Variants in PLD5 observed in about 807,000 individuals in gnomAD.
The protein encoded by PLD5 is inactive phospholipase D5.
PLD5 carries 36 observed loss-of-function variants against 61.1 expected under a neutral mutation model. The ratio of observed to expected loss-of-function variants is 0.59; its 90% CI spans 0.45 to 0.78. PLD5 has a LOEUF of 0.78. PLD5 is among the 30% of genes least tolerant of loss of function. The pLI is 0.00. For synonymous variants in PLD5, 243 were observed against 242.8 expected (o/e 1.00, Z -0.01); for missense variants, 515 against 644.4 (o/e 0.80, Z 2.17).
chr1:242,261,642 TG>T (rs1673377348), intron 4 of PLD5, among the ~76,000 whole-genome samples: 1 of 152,106 alleles, frequency 6.6e-6, no homozygotes, highest in Non-Finnish European at 1.5e-5. Context: ...TCAATAGGAA[TG>T]GGCCAATTAA....
intron 3 of PLD5, among the ~76,000 whole-genome samples, chr1:242,277,171 T>C (rs1320270651): frequency 1.3e-5 from 2 of 152,096 alleles, no homozygotes; most frequent in African/African-American, 4.8e-5. Context: ...GAGCACAGCA[T>C]CCACAGCCTG....
intron 1 of PLD5, among the ~76,000 whole-genome samples, chr1:242,393,023 G>A (rs1663025567): frequency 6.6e-6 from 1 of 150,810 alleles, no homozygotes; most frequent in South Asian, 2.1e-4. Context: ...GGCCAACATG[G>A]TGAAACCCCG....
At chr1:242,498,138 T>C (rs1426932988) in intron 1 of PLD5, among the ~76,000 whole-genome samples, 1 of 152,118 alleles carries the variant, frequency 6.6e-6, no homozygotes, top group African/African-American at 2.4e-5. Flanking sequence ...CTAATTTTTA[T>C]ATTTTTAGTA....
chr1:242,256,060 G>A lies in PLD5; in HGVS notation c.607+9277C>T, dbSNP rs1413479804. 1.3e-5 allele frequency among the ~76,000 whole-genome samples: 2 copies of A among 152,156 alleles called. No individual in the cohort carries two copies. The highest frequency in any genetic ancestry group is 2.9e-5 in the Non-Finnish European group (2 of 68,030). ...TTGGTTATTCACTAATATGGGTAAG[G>A]CTCTGTCTAATTGGCTCACTTACTT... On this transcript the variant is annotated intron_variant, in intron 4 of 9. Coordinates refer to ENST00000536534, the MANE Select transcript of PLD5 (RefSeq NM_001372062.1). The surrounding 1 kb of genome is among the most constrained non-coding windows in gnomAD (Gnocchi z 5.7).
At chr1:242,194,898 G>A (rs757359975) in intron 5 of PLD5, among the ~76,000 whole-genome samples, 5 of 152,014 alleles carry the variant, frequency 3.3e-5, no homozygotes, top group Non-Finnish European at 5.9e-5. Context: ...AGCGGGTAAG[G>A]GATAAGAGAC....
chr1:242,228,581 A>G (rs1373846234), intron 4 of PLD5, among the ~76,000 whole-genome samples: 1 of 151,408 alleles, frequency 6.6e-6, no homozygotes, highest in African/African-American at 2.4e-5. Flanking sequence ...ATACACATAC[A>G]GAGGTTGGCA....
chr1:242,329,200 G>A (rs888526413), intron 2 of PLD5, among the ~76,000 whole-genome samples: 8 of 151,876 alleles, frequency 5.3e-5, no homozygotes, highest in East Asian at 1.9e-4. Context: ...TAGTAGAGAC[G>A]GGTTTCACCA....
intron 7 of PLD5, among the ~76,000 whole-genome samples, chr1:242,113,084 C>CTCTTTT (rs1553301349): frequency 1.8e-5 from 2 of 110,694 alleles, no homozygotes; most frequent in Admixed American, 1.0e-4. Flanking sequence ...CTCTCTCTCT[C>CTCTTTT]TTTTTTTTTT....
At chr1:242,449,399 G>A in intron 1 of PLD5, 1 of 1,536,070 alleles carries the variant, frequency 6.5e-7, no homozygotes. Context: ...CCAGCAGCCA[G>A]GAGCTGTCGC....
chr1:242,453,661 G>C (rs1474265054), intron 1 of PLD5, among the ~76,000 whole-genome samples: 1 of 152,068 alleles, frequency 6.6e-6, no homozygotes, highest in Non-Finnish European at 1.5e-5. Context: ...TGGCCACTGC[G>C]ACACCCACTC....
At chr1:242,361,819 C>A (rs1318693965) in intron 1 of PLD5, among the ~76,000 whole-genome samples, 1 of 152,056 alleles carries the variant, frequency 6.6e-6, no homozygotes, top group Admixed American at 6.6e-5. Flanking sequence ...GCTTTTATAT[C>A]ATTGAACGAG....
chr1:242,347,341 A>C (rs2149218990), intron 2 of PLD5, among the ~76,000 whole-genome samples: 1 of 152,322 alleles, frequency 6.6e-6, no homozygotes, highest in Admixed American at 6.5e-5. Context: ...ATTCATAATT[A>C]CTGTTGTAAT....
intron 5 of PLD5, among the ~76,000 whole-genome samples, chr1:242,184,907 G>A (rs1371339035): frequency 6.6e-6 from 1 of 152,180 alleles, no homozygotes; most frequent in African/African-American, 2.4e-5. Context: ...AGATCCAAGA[G>A]TCAGAACCCT....
intron 4 of PLD5, among the ~76,000 whole-genome samples, chr1:242,257,788 T>A (rs996103566): frequency 2.0e-5 from 3 of 152,170 alleles, no homozygotes; most frequent in African/African-American, 7.2e-5. Context: ...ATTTTTTTTT[T>A]AAAGACCAAA....
At chr1:242,521,167 G>A (rs1194578121) in intron 1 of PLD5, among the ~76,000 whole-genome samples, 2 of 152,126 alleles carry the variant, frequency 1.3e-5, no homozygotes, top group Admixed American at 1.3e-4. Context: ...ATTTTAGTAT[G>A]GAATGATTCT....
intron 1 of PLD5, among the ~76,000 whole-genome samples, chr1:242,367,909 T>C (rs1184686455): frequency 3.9e-5 from 6 of 152,166 alleles, no homozygotes; most frequent in Non-Finnish European, 5.9e-5. Context: ...CCTCAGTGGA[T>C]GGACTGAATA....
At chr1:242,164,016 G>C (rs1666108396) in intron 5 of PLD5, among the ~76,000 whole-genome samples, 1 of 152,066 alleles carries the variant, frequency 6.6e-6, no homozygotes, top group Non-Finnish European at 1.5e-5. Context: ...AAGTTAGTTT[G>C]AGGCTTTTTA....
intron 2 of PLD5, among the ~76,000 whole-genome samples, chr1:242,292,842 CAT>C (rs1675444983): frequency 6.6e-6 from 1 of 152,196 alleles, no homozygotes; most frequent in East Asian, 1.9e-4. Flanking sequence ...GCAGGATACA[CAT>C]GAGCTTATTA....
chr1:242,352,311 G>T (rs549777428), intron 1 of PLD5, among the ~76,000 whole-genome samples: 2 of 152,228 alleles, frequency 1.3e-5, no homozygotes, highest in East Asian at 3.9e-4. Context: ...GTGGTAATCT[G>T]CCTTTCTGTG....
Sources: allele counts gnomAD v4.1 joint callset (sites outside exome capture counted in the v4.1 genomes callset), GRCh38; gene constraint gnomAD v4.1.1; non-coding constraint Gnocchi (gnomAD v3.1); transcripts MANE v1.5; gene names NCBI Gene and HGNC (gene_info 2026-07-23, HGNC 2026-07-21).